PLXNA4: variants seen among roughly 807,000 people sequenced by gnomAD.
The protein encoded by PLXNA4 is plexin A4.
Under a neutral mutation model 191.8 loss-of-function variants are expected in PLXNA4, and 44 were observed. That is an observed-to-expected ratio of 0.23 (90% CI 0.18 to 0.29). The LOEUF (loss-of-function observed/expected upper bound fraction) is 0.29. PLXNA4 is among the 10% of genes least tolerant of loss of function. The pLI is 1.00. For synonymous variants in PLXNA4, 1,082 were observed against 1,009.5 expected (o/e 1.07, Z -1.36); for missense variants, 1,800 against 2,488.8 (o/e 0.72, Z 5.89).
rs550929045 is a variant in PLXNA4 at position 132,417,844 on chromosome 7, G to A, written c.1371+71448C>T. ...GGAAAGCTGGTTTACTCTTTGGTCC[G>A]TGGGTCTCTGTTCTCTTTCTCTCTG... On this transcript the variant is annotated intron_variant, in intron 3 of 31. Coordinates refer to ENST00000321063, the MANE Select transcript of PLXNA4 (RefSeq NM_020911.2). Among the ~76,000 whole-genome samples, 126 of 152,200 alleles carry A rather than the reference G, an allele frequency of 8.3e-4. 1 individual carries two copies. Among genetic ancestry groups the A allele is most frequent in the Middle Eastern group, 3.4e-3 (1 of 294 alleles).
intron 1 of PLXNA4, among the ~76,000 whole-genome samples, chr7:132,519,747 T>C (rs1799098890): frequency 2.0e-5 from 3 of 152,212 alleles, no homozygotes; most frequent in Non-Finnish European, 2.9e-5. Context: ...CAGCCAGTCA[T>C]GCATCAGCCA....
At chr7:132,563,127 CTCCTCCTCCTTCTCCTCTTCCTCCTT>C (rs1801394737) in intron 1 of PLXNA4, among the ~76,000 whole-genome samples, 1 of 108,774 alleles carries the variant, frequency 9.2e-6, no homozygotes, top group Non-Finnish European at 2.0e-5. Flanking sequence ...CCTCCTTCTC[CTCCTCCTCCTTCTCCTCTTCCTCCTT>C]CTCCTCCTCC....
chr7:132,505,397 C>T lies in PLXNA4; in HGVS notation c.1188+2109G>A, dbSNP rs538538180. ...CAGCTGATTTTTCTCCCAAGAGCAT[C>T]GCCCAAAAAGTCAGGGTTTTAAGAA... is the stretch of plus-strand genomic sequence containing the variant. On this transcript the variant is annotated intron_variant, in intron 2 of 31. Coordinates refer to ENST00000321063, the MANE Select transcript of PLXNA4 (RefSeq NM_020911.2). Among the ~76,000 whole-genome samples the T allele has an allele frequency of 4.6e-5, 7 of 152,244 alleles. No homozygotes were observed. In the South Asian group the frequency reaches 6.2e-4, roughly 14 times the overall value.
intron 3 of PLXNA4, among the ~76,000 whole-genome samples, chr7:132,424,330 CAAGTCCCA>C (rs1794958181): frequency 6.6e-6 from 1 of 152,322 alleles, no homozygotes; most frequent in African/African-American, 2.4e-5. Context: ...AAATCCATAC[CAAGTCCCA>C]ATATACTCTA....
chr7:132,193,135 T>C (rs1298465171), intron 14 of PLXNA4, among the ~76,000 whole-genome samples: 4 of 152,178 alleles, frequency 2.6e-5, no homozygotes, highest in Admixed American at 6.5e-5. Context: ...TGTTGGACTT[T>C]TAAGAGGTGA....
At chr7:132,380,901 T>C (rs1281977567) in intron 3 of PLXNA4, among the ~76,000 whole-genome samples, 1 of 152,198 alleles carries the variant, frequency 6.6e-6, no homozygotes, top group African/African-American at 2.4e-5. Context: ...TCCAGTAAAT[T>C]AGGCAGGATA....
At chr7:132,239,769 GCA>G (rs1203885984) in intron 5 of PLXNA4, among the ~76,000 whole-genome samples, 2 of 152,206 alleles carry the variant, frequency 1.3e-5, no homozygotes, top group Non-Finnish European at 2.9e-5. Flanking sequence ...ACACTTGAGT[GCA>G]CAGTTTCTGA....
chr7:132,639,397 A>T (rs1479879751), intron 2 of PLXNA4, among the ~76,000 whole-genome samples: 1 of 151,878 alleles, frequency 6.6e-6, no homozygotes, highest in Non-Finnish European at 1.5e-5. Context: ...ACCTCCCCAA[A>T]CTCTCACCAT....
intron 2 of PLXNA4, among the ~76,000 whole-genome samples, chr7:132,637,639 C>G (rs1803634414): frequency 6.6e-6 from 1 of 152,230 alleles, no homozygotes; most frequent in Non-Finnish European, 1.5e-5. Flanking sequence ...CCCTTGGCAG[C>G]CTTAGCATTG....
chr7:132,222,645 A>G (rs371389417), intron 9 of PLXNA4, among the ~76,000 whole-genome samples: 1 of 152,180 alleles, frequency 6.6e-6, no homozygotes, highest in East Asian at 1.9e-4. Flanking sequence ...TGAGTCCAAT[A>G]TTGGCTGAGA....
intron 3 of PLXNA4, among the ~76,000 whole-genome samples, chr7:132,414,257 T>C (rs2117108273): frequency 6.6e-6 from 1 of 152,322 alleles, no homozygotes; most frequent in Admixed American, 6.5e-5. Context: ...GCTGGAGGGC[T>C]TGCCAGCTGT....
intron 3 of PLXNA4, among the ~76,000 whole-genome samples, chr7:132,401,751 T>G (rs138232103): frequency 4.2e-3 from 639 of 152,206 alleles, no homozygotes; most frequent in Admixed American, 5.6e-3. Context: ...GGAGTGAAGA[T>G]GGATAAAACT....
intron 4 of PLXNA4, among the ~76,000 whole-genome samples, chr7:132,267,390 T>C (rs773695087): frequency 3.9e-5 from 6 of 152,188 alleles, no homozygotes; most frequent in African/African-American, 1.4e-4. Context: ...CTTGGACACA[T>C]GTGAATGGGG....
intron 2 of PLXNA4, among the ~76,000 whole-genome samples, chr7:132,495,875 G>A (rs980399437): frequency 6.6e-6 from 1 of 152,238 alleles, no homozygotes; most frequent in Non-Finnish European, 1.5e-5. Flanking sequence ...GGCACTAGAT[G>A]AAGACAAGGC....
chr7:132,407,148 T>G (rs1329967692), intron 3 of PLXNA4, among the ~76,000 whole-genome samples: 1 of 152,222 alleles, frequency 6.6e-6, no homozygotes, highest in Non-Finnish European at 1.5e-5. Flanking sequence ...TAGTCCTGCC[T>G]GACAGACTGC....
chr7:132,155,500 C>A (rs925874888), intron 25 of PLXNA4, among the ~76,000 whole-genome samples: 1 of 152,210 alleles, frequency 6.6e-6, no homozygotes, highest in African/African-American at 2.4e-5. Context: ...CAGAGCTGGC[C>A]ACAGGGTAGG....
chr7:132,183,256 C>T (rs893631850), intron 16 of PLXNA4, among the ~76,000 whole-genome samples: 3 of 152,184 alleles, frequency 2.0e-5, no homozygotes, highest in East Asian at 1.9e-4. Context: ...CTGTGAAACT[C>T]GGAGAGGCTC....
intron 3 of PLXNA4, among the ~76,000 whole-genome samples, chr7:132,401,030 G>C (rs1793962646): frequency 6.6e-6 from 1 of 152,134 alleles, no homozygotes; most frequent in African/African-American, 2.4e-5. Context: ...CACGATCTCA[G>C]ATCAGGTCTC....
chr7:132,647,438 T>C (rs1158408724), intron 1 of PLXNA4, among the ~76,000 whole-genome samples: 1 of 152,022 alleles, frequency 6.6e-6, no homozygotes, highest in Non-Finnish European at 1.5e-5. Flanking sequence ...CATACACATA[T>C]GCACTCACAC....
Sources: gnomAD v4.1 joint callset for allele counts (sites outside exome capture counted in the v4.1 genomes callset) on GRCh38, gnomAD v4.1.1 for gene constraint, MANE v1.5 for transcripts, NCBI Gene and HGNC (gene_info 2026-07-23, HGNC 2026-07-21) for gene names.